ATP2B4: variants seen among roughly 807,000 people sequenced by gnomAD.
The protein encoded by ATP2B4 is plasma membrane calcium-transporting ATPase 4.
Under a neutral mutation model 110.3 loss-of-function variants are expected in ATP2B4, and 39 were observed. That is an observed-to-expected ratio of 0.35 (90% CI 0.27 to 0.46). ATP2B4 has a LOEUF of 0.46. Among genes scored for constraint, ATP2B4 ranks in the 20% least tolerant of loss-of-function variants. The probability of loss-of-function intolerance (pLI) is 1.00; values close to 1 mark genes in which losing one functional copy is unlikely to be tolerated. For missense variants in ATP2B4, 1,135 were observed against 1,530.9 expected, an observed-to-expected ratio of 0.74 and a Z score of 4.32; for synonymous variants, 538 against 571.7, an observed-to-expected ratio of 0.94 and a Z score of 0.84.
chr1:203,731,237 A>T (rs1666699613), intron 20 of ATP2B4, among the ~76,000 whole-genome samples: 1 of 152,128 alleles, frequency 6.6e-6, no homozygotes, highest in African/African-American at 2.4e-5. Flanking sequence ...TTTCTGCTCA[A>T]ACTGTGATCT....
chr1:203,701,081 T>A (rs979436124), intron 6 of ATP2B4, among the ~76,000 whole-genome samples, 158 bp downstream of exon 6: 1 of 151,844 alleles, frequency 6.6e-6, no homozygotes, highest in Non-Finnish European at 1.5e-5. Flanking sequence ...ATGTAAATCC[T>A]TGGCTCCAGG....
At chr1:203,735,837 G>A (rs1666864552) in intron 20 of ATP2B4, among the ~76,000 whole-genome samples, 1 of 152,118 alleles carries the variant, frequency 6.6e-6, no homozygotes, top group Non-Finnish European at 1.5e-5. Context: ...CTTTCTGATA[G>A]GAAGGGTTAG....
chr1:203,726,608 G>T (rs1406154607), intron 19 of ATP2B4, among the ~76,000 whole-genome samples: 1 of 152,088 alleles, frequency 6.6e-6, no homozygotes, highest in Non-Finnish European at 1.5e-5. Flanking sequence ...CAGAGGCAGA[G>T]CTCTGGCATT....
rs1666557057 is a variant in ATP2B4, at chr1:203,727,410, C to T, written c.3148C>T (p.Pro1050Ser). 1 of 1,614,080 alleles carries T rather than the reference C, an allele frequency of 6.2e-7. No individual in the cohort carries two copies. The highest frequency in any genetic ancestry group is 8.5e-7 in the Non-Finnish European group (1 of 1,180,022). Residue 1050 changes from proline (P) to serine (S), a missense_variant, in exon 20 of 21, where the codon CCT becomes TCT. Pro to Ser is a moderately conservative substitution (Grantham distance 74, BLOSUM62 -1). Transcript: ENST00000357681. ...TTGTTTTCAGTTCATCTCCGCAATA[C>T]CTACCCGATCCCTGAAGTTCCTGAA... ...LLWGQFISAI[P>S]TRSLKFLKEA...
intron 1 of ATP2B4, among the ~76,000 whole-genome samples, chr1:203,645,522 A>G (rs1273612166): frequency 6.7e-6 from 1 of 150,136 alleles, no homozygotes; most frequent in Non-Finnish European, 1.5e-5. Context: ...TTCTTTCATC[A>G]GCTTTGCATT....
At chr1:203,714,608 G>C (rs1666107204) in intron 15 of ATP2B4, among the ~76,000 whole-genome samples, 1 of 152,162 alleles carries the variant, frequency 6.6e-6, no homozygotes, top group Non-Finnish European at 1.5e-5. Context: ...TGTGTGGCTG[G>C]CACCATTGGG....
chr1:203,688,312 T>G (rs1041230183), intron 2 of ATP2B4, among the ~76,000 whole-genome samples: 2 of 148,020 alleles, frequency 1.4e-5, no homozygotes, highest in Non-Finnish European at 3.0e-5. Flanking sequence ...TTCAATTTTA[T>G]TTTTGAAACA....
rs1665938995 is a variant in ATP2B4, at chr1:203,709,372, C to T, written c.1629C>T (p.Val543=). 1 of 1,614,204 alleles carries T rather than the reference C, an allele frequency of 6.2e-7. No homozygotes were observed. Among genetic ancestry groups the T allele is most frequent in the South Asian group, 1.1e-5 (1 of 91,084 alleles). ...CCGAGTGTGCTCTGCTAGGCTTTGT[C>T]ACAGATCTGAAGCAGGATTATCAGG... is the stretch of plus-strand genomic sequence containing the variant. ...NKTECALLGF[V]TDLKQDYQAV... The change falls in exon 11 of 21, where the codon GTC becomes GTT. Residue 543 remains valine, a synonymous_variant. Transcript: ENST00000357681.
chr1:203,722,444 A>T lies in ATP2B4; in HGVS notation c.2813-34A>T, dbSNP rs763684776. 6 of 1,540,336 alleles carry T rather than the reference A, an allele frequency of 3.9e-6. No homozygotes were observed. The African/African-American group carries it at 8.2e-5, about 21-fold the overall frequency. On this transcript the variant is annotated intron_variant, in intron 17 of 20. Transcript: ENST00000357681. ...CATTCTTACTCTTAGTTCAGACCACACTTAACCTCCAGTGCTTCTCCTCTC... is the reference window on the plus strand; with the variant it reads ...CATTCTTACTCTTAGTTCAGACCACTCTTAACCTCCAGTGCTTCTCCTCTC...
At chr1:203,737,147 C>G (rs1364183703) in intron 20 of ATP2B4, among the ~76,000 whole-genome samples, 1 of 152,178 alleles carries the variant, frequency 6.6e-6, no homozygotes. Context: ...ATTGGTCACC[C>G]CAACAGGTGA....
chr1:203,706,217 T>G (rs1012093937), intron 8 of ATP2B4, among the ~76,000 whole-genome samples: 5 of 152,136 alleles, frequency 3.3e-5, no homozygotes, highest in Admixed American at 3.3e-4. Flanking sequence ...CCAGTTTGCT[T>G]GGGATTTTCT....
At chr1:203,696,274 T>A (rs1425922029) in intron 2 of ATP2B4, among the ~76,000 whole-genome samples, 2 of 152,146 alleles carry the variant, frequency 1.3e-5, no homozygotes, top group Non-Finnish European at 2.9e-5. Context: ...GAGTAGACAT[T>A]TGCCTGTATA....
Position 203,726,981 on chromosome 1 carries a change from A to G in ATP2B4, c.3133-414A>G, listed in dbSNP as rs144836467. Among the ~76,000 whole-genome samples, 1,438 of 152,182 alleles carry G rather than the reference A, an allele frequency of 9.4e-3. 10 individuals carry two copies. The highest frequency in any genetic ancestry group is 0.012 in the Non-Finnish European group (800 of 68,008). ...TTGCCTATACATAGGCAATATCACC[A>G]TCTTCTCCCCAAACTCTTTTCCCCC... is the stretch of plus-strand genomic sequence containing the variant. On this transcript the variant is annotated intron_variant, in intron 19 of 20. Coordinates refer to ENST00000357681, the MANE Select transcript of ATP2B4 (RefSeq NM_001684.5).
In ATP2B4 at chr1:203,711,056, C is replaced by A. The variant is rs989961300; in HGVS notation, c.1979C>A (p.Thr660Asn). ...PSWDNENEIL[T>N]ELTCIAVVGI... ...TGGGACAATGAGAATGAGATCCTCA[C>A]CGAACTGACCTGTATCGCGGTGGTG... The change falls in exon 12 of 21, where the codon ACC becomes AAC. Residue 660 changes from threonine to asparagine, a missense_variant. Physicochemically the swap from Thr to Asn is moderately conservative, Grantham distance 65. Coordinates refer to ENST00000357681, the MANE Select transcript of ATP2B4 (RefSeq NM_001684.5). 44 of 1,614,000 alleles carry A rather than the reference C, an allele frequency of 2.7e-5. No individual in the cohort carries two copies. Among genetic ancestry groups the A allele is most frequent in the Non-Finnish European group, 3.4e-5 (40 of 1,180,024 alleles).
chr1:203,724,721 T>C (rs1480454214), intron 19 of ATP2B4, among the ~76,000 whole-genome samples: 2 of 152,116 alleles, frequency 1.3e-5, no homozygotes, highest in African/African-American at 4.8e-5. Flanking sequence ...GCCTCTTCTC[T>C]TTCTTGCCAT....
At position 203,682,977 on chromosome 1, in the gene ATP2B4, C is replaced by G. The variant is rs1233377213; in HGVS notation, c.-229C>G. On this transcript the variant is annotated 5_prime_UTR_variant, in exon 2 of 21. Transcript: ENST00000357681. ...GGAGTCCACCTTCCACTCAGTTCCC[C>G]CATCCTCTTCCTCCTCTCGCTGCCA... is the stretch of plus-strand genomic sequence containing the variant. The G allele has an allele frequency of 4.3e-6, 2 of 470,230 alleles. No homozygotes were observed. The highest frequency in any genetic ancestry group is 6.0e-5 in the South Asian group (2 of 33,218). The allele number at this position is 470,230 out of a possible 1,614,324, so 29.1% of individuals were successfully genotyped here. A position where few individuals can be genotyped will look rare whatever the true frequency, so the allele number is the denominator to read the frequency against.
chr1:203,693,139 A>G (rs1380276574), intron 2 of ATP2B4, among the ~76,000 whole-genome samples: 3 of 152,190 alleles, frequency 2.0e-5, no homozygotes, highest in African/African-American at 7.2e-5. Flanking sequence ...CTGAGAAACC[A>G]CTGCAGAGAT....
intron 1 of ATP2B4, among the ~76,000 whole-genome samples, chr1:203,677,791 G>A (rs916490999): frequency 7.2e-5 from 11 of 152,172 alleles, no homozygotes; most frequent in Non-Finnish European, 1.6e-4. Context: ...TTGTAGCTGG[G>A]TGCATTCTAA....
At chr1:203,723,023 A>G (rs1273550854) in intron 18 of ATP2B4, among the ~76,000 whole-genome samples, 1 of 152,212 alleles carries the variant, frequency 6.6e-6, no homozygotes, top group Non-Finnish European at 1.5e-5. Flanking sequence ...GGCTCCTGTC[A>G]GCCTATATGA....
Sources: allele counts gnomAD v4.1 joint callset (sites outside exome capture counted in the v4.1 genomes callset), GRCh38; gene constraint gnomAD v4.1.1; transcripts MANE v1.5; gene names NCBI Gene and HGNC (gene_info 2026-07-23, HGNC 2026-07-21).